Variants in RNF214 observed in about 807,000 individuals in gnomAD.
RNF214 encodes the protein ring finger protein 214.
RNF214 carries 25 observed loss-of-function variants against 75.9 expected under a neutral mutation model. The observed-to-expected ratio is 0.33, with a 90% confidence interval of 0.24 to 0.46. RNF214 has a LOEUF of 0.46. Ranked by LOEUF, RNF214 falls within the 20% of genes least tolerant of loss-of-function variation. The pLI is 1.00. For synonymous variants in RNF214, 314 were observed against 308.8 expected (o/e 1.02, Z -0.18); for missense variants, 725 against 857.5 (o/e 0.85, Z 1.93).
chr11:117,265,946 A>G (rs117170645), intron 6 of RNF214, among the ~76,000 whole-genome samples: 2 of 152,244 alleles, frequency 1.3e-5, no homozygotes, highest in Non-Finnish European at 2.9e-5. Context: ...TGTGTCTGCC[A>G]CTATAGATTA....
chr11:117,262,287 C>T (rs1428713670), intron 6 of RNF214, among the ~76,000 whole-genome samples: 2 of 152,016 alleles, frequency 1.3e-5, no homozygotes, highest in Non-Finnish European at 2.9e-5. Flanking sequence ...CAGGGTTTCA[C>T]CATGTTGGCC....
intron 6 of RNF214, among the ~76,000 whole-genome samples, chr11:117,274,378 T>TTTTTA (rs2033970081): frequency 6.7e-6 from 1 of 148,742 alleles, no homozygotes; most frequent in Non-Finnish European, 1.5e-5. Flanking sequence ...TTTTTTTTTT[T>TTTTTA]TGAGATGGAG....
chr11:117,262,621 A>T (rs2033691869), intron 6 of RNF214, among the ~76,000 whole-genome samples: 1 of 151,586 alleles, frequency 6.6e-6, no homozygotes, highest in African/African-American at 2.4e-5. Context: ...GCCGCAAGTG[A>T]TCCTCCTGCC....
intron 6 of RNF214, among the ~76,000 whole-genome samples, chr11:117,267,491 T>A (rs1484561093): frequency 6.6e-6 from 1 of 151,936 alleles, no homozygotes. Context: ...GTGGGTGGAT[T>A]GCTTGAGCTG....
intron 8 of RNF214, among the ~76,000 whole-genome samples, chr11:117,280,573 G>A (rs561238278): frequency 3.3e-5 from 5 of 152,272 alleles, no homozygotes; most frequent in East Asian, 3.9e-4. Context: ...TTGGGAGGTC[G>A]AGGCAGGAGG....
At chr11:117,246,987 T>C in intron 6 of RNF214, 39 bp downstream of exon 6, 1 of 1,507,050 alleles carries the variant, frequency 6.6e-7, no homozygotes, top group East Asian at 2.3e-5. Context: ...TGTGTATGTA[T>C]ATATGCATGA....
intron 14 of RNF214, 92 bp from the exon 15 acceptor site, chr11:117,284,994 G>C (rs977522081): frequency 5.6e-5 from 51 of 911,234 alleles, no homozygotes. Context: ...GAACTTTTCT[G>C]ACTTAGGCCT....
At chr11:117,248,594 G>C (rs934279416) in intron 6 of RNF214, among the ~76,000 whole-genome samples, 2 of 152,230 alleles carry the variant, frequency 1.3e-5, no homozygotes, top group Non-Finnish European at 2.9e-5. Flanking sequence ...AATTGTGTTT[G>C]AGAGAGGGCT....
chr11:117,281,901 T>C lies in RNF214; in HGVS notation c.1343T>C (p.Phe448Ser). The C allele has an allele frequency of 1.2e-6, 2 of 1,613,162 alleles. No homozygotes were observed. Among genetic ancestry groups the C allele is most frequent in the Non-Finnish European group, 1.7e-6 (2 of 1,179,318 alleles). Residue 448 changes from phenylalanine (F) to serine (S), a missense_variant, in exon 11 of 15, where the codon TTC (phenylalanine) becomes TCC (serine). Around this residue, in one of 2 missense-constraint regions of RNF214, gnomAD observed 363 missense variants for 513.0 expected, o/e 0.71. Transcript: ENST00000300650. Reference protein sequence around the residue: ...TLPPPPSETDFMLQVFQPSPS... With the variant: ...TLPPPPSETDSMLQVFQPSPS... The stretch of plus-strand genomic sequence containing the variant: ...ACCTCTTCTCCTCTGCAGACAGACT[T>C]CATGCTTCAGGTGTTTCAACCCAGT...
At chr11:117,263,452 T>C (rs2033721758) in intron 6 of RNF214, among the ~76,000 whole-genome samples, 1 of 151,908 alleles carries the variant, frequency 6.6e-6, no homozygotes, top group African/African-American at 2.4e-5. Flanking sequence ...ATTTTTGTAT[T>C]TTTAGTAGAG....
intron 14 of RNF214, 39 bp downstream of exon 14, chr11:117,283,249 C>T (rs996420702): frequency 7.7e-6 from 10 of 1,292,548 alleles, no homozygotes; most frequent in Non-Finnish European, 1.0e-5. Context: ...TACACTTTTT[C>T]TTCTGACAGC....
rs773112736 is a variant in RNF214 at position 117,281,417 on chromosome 11, A to G, written c.1236+13A>G. On this transcript the variant is annotated intron_variant, in intron 9 of 14. Coordinates refer to ENST00000300650, the MANE Select transcript of RNF214 (RefSeq NM_207343.4). ...AAAGAATGTTCGTGTAAGTGTATCTATGAGTCATCATTCAGTCAGTGTTAG... is the reference window on the plus strand; with the variant it reads ...AAAGAATGTTCGTGTAAGTGTATCTGTGAGTCATCATTCAGTCAGTGTTAG... 2.3e-5 allele frequency: 36 copies of G among 1,584,534 alleles called. No individual in the cohort carries two copies. Among genetic ancestry groups the G allele is most frequent in the African/African-American group, 9.4e-5 (7 of 74,264 alleles).
intron 4 of RNF214, among the ~76,000 whole-genome samples, chr11:117,243,730 A>G (rs1342498807): frequency 6.6e-6 from 1 of 151,644 alleles, no homozygotes; most frequent in Non-Finnish European, 1.5e-5. Context: ...TATTATTGTT[A>G]TTTTTTGGTA....
chr11:117,239,282 T>G, intron 3 of RNF214, 171 bp downstream of exon 3: 1 of 633,118 alleles, frequency 1.6e-6, no homozygotes, highest in Non-Finnish European at 2.7e-6. Flanking sequence ...GACTTCATTC[T>G]GATGTTCAGT....
At chr11:117,242,879 A>G (rs763266650) in intron 4 of RNF214, among the ~76,000 whole-genome samples, 1 of 152,208 alleles carries the variant, frequency 6.6e-6, no homozygotes, top group Non-Finnish European at 1.5e-5. Context: ...ACTGGTTTCA[A>G]CTTTTCTTTG....
At chr11:117,264,378 T>C (rs2033749342) in intron 6 of RNF214, among the ~76,000 whole-genome samples, 1 of 151,982 alleles carries the variant, frequency 6.6e-6, no homozygotes, top group African/African-American at 2.4e-5. Context: ...GAAGGGAAAG[T>C]TTTCAGAGCT....
intron 6 of RNF214, among the ~76,000 whole-genome samples, chr11:117,268,526 T>C (rs1046723215): frequency 2.0e-5 from 3 of 152,250 alleles, no homozygotes; most frequent in Non-Finnish European, 4.4e-5. Context: ...TTTTCCCTTA[T>C]ACCACATAAG....
intron 3 of RNF214, 79 bp downstream of exon 3, chr11:117,239,190 G>A: frequency 2.8e-6 from 4 of 1,421,552 alleles, no homozygotes; most frequent in East Asian, 2.3e-5. Flanking sequence ...CTTCATATTT[G>A]GTGGAGAACT....
At chr11:117,252,892 C>T (rs1032554921) in intron 6 of RNF214, among the ~76,000 whole-genome samples, 1 of 152,026 alleles carries the variant, frequency 6.6e-6, no homozygotes, top group Non-Finnish European at 1.5e-5. Context: ...TTTATTCTAT[C>T]ACTGGATTGG....
Sources: gnomAD v4.1 joint callset for allele counts (sites outside exome capture counted in the v4.1 genomes callset) on GRCh38, gnomAD v4.1.1 for gene constraint, gnomAD v4.1.1 regional missense constraint, MANE v1.5 for transcripts, NCBI Gene and HGNC (gene_info 2026-07-23, HGNC 2026-07-21) for gene names.